The following VEPH1 variants were observed in gnomAD, a reference collection of about 807,000 sequenced individuals.
VEPH1 encodes ventricular zone-expressed PH domain-containing protein homolog 1.
VEPH1 carries 80 observed loss-of-function variants against 85.2 expected under a neutral mutation model. The observed-to-expected ratio is 0.94, with a 90% CI of 0.78 to 1.13. The LOEUF (loss-of-function observed/expected upper bound fraction) is 1.13. Among genes scored for constraint, VEPH1 ranks in the 50% most tolerant of loss-of-function variants. The pLI, the probability that VEPH1 is intolerant of heterozygous loss-of-function variation, is 0.00. For synonymous variants in VEPH1, 297 were observed against 348.0 expected (o/e 0.85, Z 1.63); for missense variants, 955 against 980.5 (o/e 0.97, Z 0.35).
chr3:157,450,604 A>G (rs1734895048), intron 4 of VEPH1, among the ~76,000 whole-genome samples: 1 of 151,072 alleles, frequency 6.6e-6, no homozygotes, highest in Non-Finnish European at 1.5e-5. Context: ...ATAGTGCTCT[A>G]TCATTATCTA....
At chr3:157,265,710 C>T (rs1244930993) in intron 12 of VEPH1, 48 bp from the exon 13 acceptor site, 2 of 1,597,844 alleles carry the variant, frequency 1.3e-6, no homozygotes, top group Non-Finnish European at 1.7e-6. Flanking sequence ...CCAATATTTA[C>T]TAGGTAGGTG....
At chr3:157,363,171 A>C in intron 9 of VEPH1, 193 bp downstream of exon 9, 1 of 492,358 alleles carries the variant, frequency 2.0e-6, no homozygotes, top group Non-Finnish European at 3.4e-6. Flanking sequence ...GTAGATTCAA[A>C]TGGGAATCAA....
intron 5 of VEPH1, among the ~76,000 whole-genome samples, chr3:157,426,793 C>G (rs1455071563): frequency 6.8e-6 from 1 of 148,038 alleles, no homozygotes; most frequent in African/African-American, 2.5e-5. Context: ...GCCACAGATT[C>G]GCAAATCTGT....
At chr3:157,373,166 C>T (rs897873150) in intron 7 of VEPH1, among the ~76,000 whole-genome samples, 4 of 152,226 alleles carry the variant, frequency 2.6e-5, no homozygotes, top group African/African-American at 9.6e-5. Context: ...GCTAAACCAA[C>T]ATTAAATCCA....
In VEPH1 at chr3:157,412,502, T is replaced by A. The variant is rs550056708; in HGVS notation, c.906+1379A>T. Reference sequence around the variant, plus strand: ...ACACCTCAGAGGTTGAATTTTTTGGTTCTTGCAAAGATCTGCAAGGTCAGC... The same window carrying A: ...ACACCTCAGAGGTTGAATTTTTTGGATCTTGCAAAGATCTGCAAGGTCAGC... On this transcript the variant is annotated intron_variant, in intron 6 of 13. Coordinates refer to ENST00000362010, the MANE Select transcript of VEPH1 (RefSeq NM_001167912.2). Among the ~76,000 whole-genome samples the A allele has an allele frequency of 2.0e-5, 3 of 152,294 alleles. 1 individual carries two copies. In the South Asian group the frequency reaches 6.2e-4, roughly 32 times the overall value.
At chr3:157,285,569 G>A (rs1370140895) in intron 12 of VEPH1, among the ~76,000 whole-genome samples, 1 of 152,180 alleles carries the variant, frequency 6.6e-6, no homozygotes, top group African/African-American at 2.4e-5. Context: ...TCTACAAAGT[G>A]GCTTTGTGTT....
chr3:157,494,930 C>T (rs1047278832), intron 2 of VEPH1, among the ~76,000 whole-genome samples: 1 of 152,102 alleles, frequency 6.6e-6, no homozygotes, highest in African/African-American at 2.4e-5. Context: ...ATAAAAATAG[C>T]CCCTAAATAA....
At chr3:157,350,710 TG>T (rs1724768951) in intron 9 of VEPH1, among the ~76,000 whole-genome samples, 1 of 152,090 alleles carries the variant, frequency 6.6e-6, no homozygotes. Flanking sequence ...AATGGGGAAA[TG>T]ATCTGAACAG....
At chr3:157,449,804 C>T (rs1046492629) in intron 4 of VEPH1, among the ~76,000 whole-genome samples, 11 of 152,062 alleles carry the variant, frequency 7.2e-5, no homozygotes, top group African/African-American at 2.2e-4. Context: ...TCAGTGAACA[C>T]GGTGTATTTC....
intron 5 of VEPH1, among the ~76,000 whole-genome samples, chr3:157,424,496 T>A (rs1445738481): frequency 6.6e-6 from 1 of 151,894 alleles, no homozygotes; most frequent in African/African-American, 2.4e-5. Flanking sequence ...AACAGGAAAA[T>A]GTGGGAAAAT....
intron 7 of VEPH1, among the ~76,000 whole-genome samples, chr3:157,368,500 TTTG>T (rs2108795868): frequency 6.6e-6 from 1 of 152,176 alleles, no homozygotes; most frequent in East Asian, 1.9e-4. Flanking sequence ...TGTTTGTTTG[TTTG>T]TTTTTTGAAA....
intron 4 of VEPH1, among the ~76,000 whole-genome samples, chr3:157,455,623 G>A (rs1735311586): frequency 6.6e-6 from 1 of 151,956 alleles, no homozygotes; most frequent in Non-Finnish European, 1.5e-5. Context: ...TCCTCTCTAT[G>A]TGTCCAGGTA....
At chr3:157,270,142 C>A (rs1461835991) in intron 12 of VEPH1, among the ~76,000 whole-genome samples, 2 of 151,962 alleles carry the variant, frequency 1.3e-5, no homozygotes, top group African/African-American at 4.8e-5. Flanking sequence ...CACCTGTAGT[C>A]CCAGGTACTC....
intron 1 of VEPH1, among the ~76,000 whole-genome samples, chr3:157,497,916 C>T (rs1174439724): frequency 6.6e-6 from 1 of 152,162 alleles, no homozygotes; most frequent in African/African-American, 2.4e-5. Context: ...AGAGGTGAGA[C>T]TTACACATTA....
chr3:157,443,100 T>C (rs980606047), intron 4 of VEPH1: 1 of 1,198,206 alleles, frequency 8.3e-7, no homozygotes, highest in African/African-American at 1.5e-5. Flanking sequence ...AAGAGAGAGT[T>C]GAGACCAATC....
Position 157,382,677 on chromosome 3 carries a change from A to T in VEPH1, c.907-1301T>A, listed in dbSNP as rs1306477157. Among the ~76,000 whole-genome samples, 9 of 152,148 alleles carry T rather than the reference A, an allele frequency of 5.9e-5. 1 individual carries two copies. The highest frequency in any genetic ancestry group is 5.2e-4 in the Admixed American group (8 of 15,282). On this transcript the variant is annotated intron_variant, in intron 6 of 13. Transcript: ENST00000362010. ...CTGACTAACTGGTGCACAGATCTAG[A>T]TTACTCTTCTCGTTAGGAATTCTTA... is the stretch of plus-strand genomic sequence containing the variant.
intron 4 of VEPH1, among the ~76,000 whole-genome samples, chr3:157,432,283 A>G (rs1178714950): frequency 6.6e-6 from 1 of 152,150 alleles, no homozygotes; most frequent in Non-Finnish European, 1.5e-5. Context: ...CTACTGAATG[A>G]ATTTTTGATT....
intron 6 of VEPH1, among the ~76,000 whole-genome samples, chr3:157,394,475 T>C (rs1243099043): frequency 6.6e-6 from 1 of 152,198 alleles, no homozygotes; most frequent in African/African-American, 2.4e-5. Context: ...AGAGGAGTCA[T>C]GTGTTAGTCC....
chr3:157,452,632 T>G (rs1735065089), intron 4 of VEPH1, among the ~76,000 whole-genome samples: 1 of 152,216 alleles, frequency 6.6e-6, no homozygotes, highest in African/African-American at 2.4e-5. Flanking sequence ...GACTATGTTT[T>G]GGCATTATCT....
Sources: allele counts gnomAD v4.1 joint callset (sites outside exome capture counted in the v4.1 genomes callset), GRCh38; gene constraint gnomAD v4.1.1; transcripts MANE v1.5; gene names NCBI Gene and HGNC (gene_info 2026-07-23, HGNC 2026-07-21).